SCCPDH: variants seen among roughly 807,000 people sequenced by gnomAD.
SCCPDH encodes the protein saccharopine dehydrogenase (putative).
Under a neutral mutation model 51.5 loss-of-function variants are expected in SCCPDH, and 34 were observed. That is an observed-to-expected ratio of 0.66 (90% CI 0.50 to 0.88). The LOEUF is 0.88. SCCPDH is among the 40% of genes least tolerant of loss of function. SCCPDH has a pLI of 0.00. For missense variants in SCCPDH, 464 were observed against 527.1 expected, an observed-to-expected ratio of 0.88 and a Z score of 1.17; for synonymous variants, 187 against 191.3, an observed-to-expected ratio of 0.98 and a Z score of 0.19.
intron 2 of SCCPDH, among the ~76,000 whole-genome samples, chr1:246,728,971 A>G (rs6426330): frequency 0.25 from 37,668 of 152,100 alleles, 4,773 homozygotes; most frequent in South Asian, 0.3. Flanking sequence ...ACAAAGAGAA[A>G]TTTTACAGCT....
rs1275469974 is a variant in SCCPDH, at chr1:246,727,005, G to A, written c.303+1G>A. ...AGTTGTCCTCAATTGCGTAGGACCA[G>A]TAAGTAATCAACCCTTCTTTGTATC... is the stretch of plus-strand genomic sequence containing the variant. On this transcript the variant is annotated splice_donor_variant, in intron 2 of 11. Coordinates refer to ENST00000366510, the MANE Select transcript of SCCPDH (RefSeq NM_016002.3). LOFTEE classifies it high-confidence loss of function. The A allele has an allele frequency of 6.3e-7, 1 of 1,582,744 alleles. No homozygotes were observed. Among genetic ancestry groups the A allele is most frequent in the East Asian group, 2.2e-5 (1 of 44,762 alleles).
At position 246,760,034 on chromosome 1, in the gene SCCPDH, G is replaced by A; in HGVS notation, c.891G>A (p.Leu297=). The A allele has an allele frequency of 1.2e-6, 2 of 1,613,544 alleles. No homozygotes were observed. Among genetic ancestry groups the A allele is most frequent in the Non-Finnish European group, 1.7e-6 (2 of 1,179,698 alleles). ...IKLMFAGLFF[L]FFVRFGIGRQ... ...TGATGTTTGCAGGACTTTTCTTTTT[G>A]TTCTTTGTGAGGTTTGGAATTGGAA... Residue 297 remains leucine, a synonymous_variant, in exon 8 of 12, where the codon TTG becomes TTA. Coordinates refer to ENST00000366510, the MANE Select transcript of SCCPDH (RefSeq NM_016002.3).
chr1:246,760,138 A>T, intron 8 of SCCPDH, 33 bp from the exon 9 acceptor site: 1 of 1,597,286 alleles, frequency 6.3e-7, no homozygotes, highest in South Asian at 1.2e-5. Context: ...GAGTTTTAAA[A>T]AAATATCACT....
intron 5 of SCCPDH, among the ~76,000 whole-genome samples, chr1:246,749,048 GGC>G (rs1668811992): frequency 6.6e-6 from 1 of 152,180 alleles, no homozygotes; most frequent in Non-Finnish European, 1.5e-5. Context: ...GAGGCCACAT[GGC>G]CCTCGGGGGC....
intron 2 of SCCPDH, among the ~76,000 whole-genome samples, chr1:246,730,350 C>A (rs1182555041): frequency 6.6e-6 from 1 of 152,224 alleles, no homozygotes; most frequent in Non-Finnish European, 1.5e-5. Flanking sequence ...TCCTGTCCAC[C>A]AGCTTCACCC....
At chr1:246,755,632 C>T in intron 5 of SCCPDH, 1 of 153,258 alleles carries the variant, frequency 6.5e-6, no homozygotes, top group Admixed American at 6.5e-5. Context: ...TACCTTTCTC[C>T]ACCTTACTCT....
intron 2 of SCCPDH, among the ~76,000 whole-genome samples, chr1:246,735,666 G>A (rs1299464288): frequency 6.6e-6 from 1 of 152,136 alleles, no homozygotes; most frequent in African/African-American, 2.4e-5. Flanking sequence ...CGAGTAGCTG[G>A]GATTACAGGT....
At chr1:246,749,255 G>C (rs1423590348) in intron 5 of SCCPDH, among the ~76,000 whole-genome samples, 1 of 152,178 alleles carries the variant, frequency 6.6e-6, no homozygotes, top group Non-Finnish European at 1.5e-5. Context: ...CTTTTGTTTA[G>C]CGTGCAAACA....
At chr1:246,761,013 A>G (rs1238517673) in intron 9 of SCCPDH, among the ~76,000 whole-genome samples, 1 of 151,822 alleles carries the variant, frequency 6.6e-6, no homozygotes, top group African/African-American at 2.4e-5. Flanking sequence ...TCAAATTCCT[A>G]CTCTCAGACC....
intron 5 of SCCPDH, among the ~76,000 whole-genome samples, chr1:246,747,675 G>A (rs534226675): frequency 6.9e-6 from 1 of 145,186 alleles, no homozygotes; most frequent in African/African-American, 2.6e-5. Context: ...CCCTACTGCT[G>A]TGTCATTCCC....
chr1:246,735,886 A>G, intron 2 of SCCPDH, 89 bp from the exon 3 acceptor site: 1 of 820,720 alleles, frequency 1.2e-6, no homozygotes, highest in Non-Finnish European at 2.0e-6. Flanking sequence ...CTTGATAACT[A>G]GGACTGTTTA....
chr1:246,766,279 T>G, intron 11 of SCCPDH, 140 bp downstream of exon 11: 1 of 630,742 alleles, frequency 1.6e-6, no homozygotes, highest in South Asian at 2.0e-5. Flanking sequence ...ATAGGTAAAT[T>G]AAAACTGTGA....
intron 2 of SCCPDH, among the ~76,000 whole-genome samples, chr1:246,728,505 T>G (rs6658517): frequency 0.011 from 1,666 of 152,302 alleles, 26 homozygotes; most frequent in African/African-American, 0.038. Flanking sequence ...CCCTGCTAAC[T>G]GGTCACACTT....
At chr1:246,735,540 T>TTTTG (rs1215199424) in intron 2 of SCCPDH, among the ~76,000 whole-genome samples, 2 of 152,338 alleles carry the variant, frequency 1.3e-5, no homozygotes, top group East Asian at 3.9e-4. Context: ...CAGTTTATCT[T>TTTTG]TTTGTTTCTG....
At chr1:246,733,433 AAT>A (rs201157709) in intron 2 of SCCPDH, among the ~76,000 whole-genome samples, 2 of 149,874 alleles carry the variant, frequency 1.3e-5, no homozygotes, top group Admixed American at 6.7e-5. Context: ...TTATATGTAT[AAT>A]ATATATATAT....
intron 5 of SCCPDH, among the ~76,000 whole-genome samples, chr1:246,749,503 A>G (rs1313815874): frequency 6.6e-6 from 1 of 152,184 alleles, no homozygotes; most frequent in African/African-American, 2.4e-5. Context: ...GACTTCTCCT[A>G]CACCACAGAA....
intron 4 of SCCPDH, among the ~76,000 whole-genome samples, chr1:246,741,906 A>C (rs574836233): frequency 6.6e-6 from 1 of 152,206 alleles, no homozygotes; most frequent in East Asian, 2.0e-4. Flanking sequence ...GTCTCTACTA[A>C]AAATACAAAA....
intron 2 of SCCPDH, among the ~76,000 whole-genome samples, chr1:246,734,189 TG>T (rs1306094842): frequency 6.6e-6 from 1 of 152,056 alleles, no homozygotes; most frequent in African/African-American, 2.4e-5. Context: ...TTGAGAAATT[TG>T]GGGGTGAAAT....
chr1:246,760,066 T>C lies in SCCPDH; in HGVS notation c.923T>C (p.Leu308Pro). The C allele has an allele frequency of 6.2e-7, 1 of 1,611,730 alleles. No individual in the cohort carries two copies. Among genetic ancestry groups the C allele is most frequent in the Non-Finnish European group, 8.5e-7 (1 of 1,179,002 alleles). Residue 308 changes from leucine (L) to proline (P), a missense_variant, in exon 8 of 12, where the codon CTT (leucine) becomes CCT (proline). Physicochemically the swap from Leu to Pro is moderately conservative, Grantham distance 98 (BLOSUM62 -3). Coordinates refer to ENST00000366510, the MANE Select transcript of SCCPDH (RefSeq NM_016002.3). ...GTGAGGTTTGGAATTGGAAGGCAACTTCTCATAAAAGTAAGTAAGATTTTA... is the reference window on the plus strand; with the variant it reads ...GTGAGGTTTGGAATTGGAAGGCAACCTCTCATAAAAGTAAGTAAGATTTTA... ...FFVRFGIGRQ[L>P]LIKFPWFFSF...
Sources: allele counts gnomAD v4.1 joint callset (sites outside exome capture counted in the v4.1 genomes callset), GRCh38; gene constraint gnomAD v4.1.1; transcripts MANE v1.5; gene names NCBI Gene and HGNC (gene_info 2026-07-23, HGNC 2026-07-21).